The following MAP1B variants were observed in gnomAD, a reference collection of about 807,000 sequenced individuals.
The protein encoded by MAP1B is microtubule-associated protein 1B.
In MAP1B, 12 loss-of-function variants were observed where a neutral mutation model predicts 176.1. The ratio of observed to expected loss-of-function variants is 0.07; its 90% confidence interval spans 0.04 to 0.11. MAP1B has a LOEUF of 0.11. Ranked by LOEUF, MAP1B falls within the 10% of genes least tolerant of loss-of-function variation. The pLI, the probability that MAP1B is intolerant of heterozygous loss-of-function variation, is 1.00. For synonymous variants in MAP1B, 1,044 were observed against 1,135.0 expected, an observed-to-expected ratio of 0.92 and a Z score of 1.61; for missense variants, 2,523 against 2,990.5, an observed-to-expected ratio of 0.84 and a Z score of 3.65.
Position 72,205,347 on chromosome 5 carries a change from A to G in MAP1B, c.*108A>G. 9.0e-7 allele frequency: 1 copy of G among 1,114,076 alleles called. No homozygotes were observed. The highest frequency in any genetic ancestry group is 1.3e-6 in the Non-Finnish European group (1 of 770,908). 69.0% of individuals were successfully genotyped at this position (1,114,076 alleles called of 1,614,324 possible). ...ATTCATCTAGTTAAGTCGCTGAACA[A>G]TTACCTGCCAAATGCTATACTGTGT... On this transcript the variant is annotated 3_prime_UTR_variant, in exon 7 of 7. Coordinates refer to ENST00000296755, the MANE Select transcript of MAP1B (RefSeq NM_005909.5).
At chr5:72,112,410 A>C (rs1561288194) in intron 1 of MAP1B, among the ~76,000 whole-genome samples, 1 of 152,142 alleles carries the variant, frequency 6.6e-6, no homozygotes, top group Non-Finnish European at 1.5e-5. Context: ...TGATTGGAAA[A>C]CTTGGAACAA....
intron 2 of MAP1B, among the ~76,000 whole-genome samples, chr5:72,116,687 GC>G (rs1475130563): frequency 2.0e-5 from 3 of 152,186 alleles, no homozygotes; most frequent in Admixed American, 1.3e-4. Context: ...CCAGACCTTT[GC>G]CATTGACCCA....
chr5:72,196,655 T>G lies in MAP1B; in HGVS notation c.3300T>G (p.Ala1100=). Residue 1100 remains alanine (A), a synonymous_variant, in exon 5 of 7, where the codon GCT becomes GCG. Coordinates refer to ENST00000296755, the MANE Select transcript of MAP1B (RefSeq NM_005909.5). The surrounding 1 kb of genome is among the most constrained non-coding windows in gnomAD (Gnocchi z 5.3). ...LPGGSESEAT[A]SDEENREDQP... ...GAGGCTCAGAGAGCGAGGCCACCGCTTCTGATGAGGAGAATCGAGAAGACC... is the reference window on the plus strand; with the variant it reads ...GAGGCTCAGAGAGCGAGGCCACCGCGTCTGATGAGGAGAATCGAGAAGACC... The G allele has an allele frequency of 6.2e-7, 1 of 1,614,026 alleles. No individual in the cohort carries two copies. Among genetic ancestry groups the G allele is most frequent in the Non-Finnish European group, 8.5e-7 (1 of 1,180,020 alleles).
chr5:72,141,806 C>T (rs969802947), intron 2 of MAP1B, among the ~76,000 whole-genome samples: 5 of 152,180 alleles, frequency 3.3e-5, no homozygotes, highest in African/African-American at 1.2e-4. Context: ...ATATTACTTA[C>T]AGGCTTGGTT....
rs1747425899 is a variant in MAP1B, at chr5:72,205,446, G to C, written c.*207G>C. On this transcript the variant is annotated 3_prime_UTR_variant, in exon 7 of 7. Coordinates refer to ENST00000296755, the MANE Select transcript of MAP1B (RefSeq NM_005909.5). ...GGAAATAACAGTATTTCCACAATAG[G>C]GTTCAAATTCCTGCAAAATTACCTA... 4 of 519,910 alleles carry C rather than the reference G, an allele frequency of 7.7e-6. No individual in the cohort carries two copies. The highest frequency in any genetic ancestry group is 1.3e-5 in the Non-Finnish European group (4 of 298,800). 32.2% of individuals were successfully genotyped at this position (519,910 alleles called of 1,614,324 possible).
chr5:72,152,750 G>A (rs1317294633), intron 2 of MAP1B, among the ~76,000 whole-genome samples: 1 of 152,160 alleles, frequency 6.6e-6, no homozygotes, highest in South Asian at 2.1e-4. Flanking sequence ...TATTTTTATA[G>A]CATTTCTTAT....
chr5:72,156,614 A>G (rs1746233048), intron 2 of MAP1B, among the ~76,000 whole-genome samples: 1 of 152,182 alleles, frequency 6.6e-6, no homozygotes, highest in African/African-American at 2.4e-5. Context: ...GTGCTTTCCA[A>G]TGCAGTTCCC....
intron 2 of MAP1B, 51 bp from the exon 3 acceptor site, chr5:72,183,692 A>G (rs1294421647): frequency 1.4e-6 from 2 of 1,470,014 alleles, no homozygotes; most frequent in Non-Finnish European, 1.9e-6. Flanking sequence ...GGCAGTTTTT[A>G]TCTGGAAAAG....
chr5:72,121,559 G>C (rs1323183348), intron 2 of MAP1B, among the ~76,000 whole-genome samples: 2 of 152,198 alleles, frequency 1.3e-5, no homozygotes, highest in Non-Finnish European at 2.9e-5. Flanking sequence ...CCTGGAGATT[G>C]GTTTTCGATG....
In MAP1B at chr5:72,184,588, G is replaced by A. The variant is rs75032284; in HGVS notation, c.369+763G>A. Among the ~76,000 whole-genome samples, 195 of 152,268 alleles carry A rather than the reference G, an allele frequency of 1.3e-3. 2 individuals are homozygous for A. Among genetic ancestry groups the A allele is most frequent in the East Asian group, 2.7e-3 (14 of 5,186 alleles). ...ATGGAGAGTCACTGGGTATTTTGGA[G>A]CCCAGTGTGACATAAGAACTTGGTT... is the stretch of plus-strand genomic sequence containing the variant. On this transcript the variant is annotated intron_variant, in intron 3 of 6. Transcript: ENST00000296755.
At position 72,208,354 on chromosome 5, in the gene MAP1B, CTG is replaced by C. The variant is rs1053676826; in HGVS notation, c.*3117_*3118del. Reference sequence around the variant, plus strand: ...TATTTGAGTGGAAGGAATTTACACTCTGTTTAAATGATGGGATTCTATCGAGA... The same window carrying C: ...TATTTGAGTGGAAGGAATTTACACTCTTTAAATGATGGGATTCTATCGAGA... On this transcript the variant is annotated 3_prime_UTR_variant, in exon 7 of 7. Transcript: ENST00000296755. 1 of 152,182 alleles carries C rather than the reference CTG, an allele frequency of 6.6e-6. No individual in the cohort carries two copies. Among genetic ancestry groups the C allele is most frequent in the Non-Finnish European group, 1.5e-5 (1 of 68,032 alleles). 9.4% of individuals were successfully genotyped at this position (152,182 alleles called of 1,614,324 possible). A position where few individuals can be genotyped will look rare whatever the true frequency, so the allele number is the denominator to read the frequency against.
chr5:72,109,909 C>T (rs10058678), intron 1 of MAP1B, among the ~76,000 whole-genome samples: 18,723 of 152,234 alleles, frequency 0.12, 1,536 homozygotes, highest in Non-Finnish European at 0.17. Context: ...TCTGATCATC[C>T]TTTCAGCGCC....
At chr5:72,179,758 A>T (rs1321033864) in intron 2 of MAP1B, 1 of 985,312 alleles carries the variant, frequency 1.0e-6, no homozygotes, top group Non-Finnish European at 1.2e-6. Context: ...ATCCGATCCT[A>T]TAAAAAGGCT....
Position 72,194,696 on chromosome 5 carries a change from C to A in MAP1B, c.1341C>A (p.Asp447Glu). The A allele has an allele frequency of 6.2e-7, 1 of 1,614,198 alleles. No homozygotes were observed. Among genetic ancestry groups the A allele is most frequent in the Non-Finnish European group, 8.5e-7 (1 of 1,180,036 alleles). ...AGCAGTGGACTGGTACCAACAAAGA[C>A]AAGGCTGAATTCATTCTGCCTAATG... ...FMQQWTGTNK[D>E]KAEFILPNGQ... The change falls in exon 5 of 7, where the codon GAC becomes GAA. Residue 447 changes from aspartate to glutamate, a missense_variant. Around this residue, in one of 4 missense-constraint regions of MAP1B, gnomAD observed 1,925 missense variants for 2,126.0 expected, o/e 0.91. Transcript: ENST00000296755. The surrounding 1 kb of genome is among the most constrained non-coding windows in gnomAD (Gnocchi z 7.2).
chr5:72,184,145 T>C (rs1425222985), intron 3 of MAP1B, among the ~76,000 whole-genome samples: 2 of 152,018 alleles, frequency 1.3e-5, no homozygotes, highest in African/African-American at 2.4e-5. Flanking sequence ...TAGGGATGTA[T>C]TAGGGAAAAG....
chr5:72,196,509 G>A lies in MAP1B; in HGVS notation c.3154G>A (p.Ala1052Thr). Residue 1052 changes from alanine to threonine, a missense_variant, in exon 5 of 7, where the codon GCT (alanine) becomes ACT (threonine). Transcript: ENST00000296755. The surrounding 1 kb of genome is among the most constrained non-coding windows in gnomAD (Gnocchi z 5.3). ...CTATGTGATGGCTGTGGTCGACAAG[G>A]CTGCAGAGGCTGGTGGTGCCGAGGA... ...EDYVMAVVDK[A>T]AEAGGAEEQY... 1 of 1,613,824 alleles carries A rather than the reference G, an allele frequency of 6.2e-7. No individual in the cohort carries two copies. Among genetic ancestry groups the A allele is most frequent in the Non-Finnish European group, 8.5e-7 (1 of 1,180,022 alleles).
At chr5:72,141,973 C>T (rs1468494688) in intron 2 of MAP1B, among the ~76,000 whole-genome samples, 1 of 152,230 alleles carries the variant, frequency 6.6e-6, no homozygotes, top group Non-Finnish European at 1.5e-5. Flanking sequence ...CAGCACAGCA[C>T]TGCAGAGAGG....
intron 2 of MAP1B, among the ~76,000 whole-genome samples, chr5:72,139,810 C>T (rs1164197961): frequency 2.0e-5 from 3 of 152,132 alleles, no homozygotes; most frequent in African/African-American, 7.2e-5. Context: ...TTCATCCCAT[C>T]TGTGGTAGAG....
chr5:72,148,447 CT>C lies in MAP1B; in HGVS notation c.286+32652del, dbSNP rs142156419. The stretch of plus-strand genomic sequence containing the variant: ...TACCCTGCCAGTTTTGAATATCCTT[CT>C]TTTCAAATTAATTGCAGAAAGACCA... On this transcript the variant is annotated intron_variant, in intron 2 of 6. Transcript: ENST00000296755. Among the ~76,000 whole-genome samples the C allele has an allele frequency of 2.8e-4, 42 of 152,328 alleles. No individual in the cohort carries two copies. The East Asian group carries it at 8.1e-3, about 29-fold the overall frequency.
Sources: allele counts gnomAD v4.1 joint callset (sites outside exome capture counted in the v4.1 genomes callset), GRCh38; gene constraint gnomAD v4.1.1; regional missense constraint gnomAD v4.1.1; non-coding constraint Gnocchi (gnomAD v3.1); transcripts MANE v1.5; gene names NCBI Gene and HGNC (gene_info 2026-07-23, HGNC 2026-07-21).